The following IGSF21 variants were observed in gnomAD, a reference collection of about 807,000 sequenced individuals.
The protein encoded by IGSF21 is immunoglobin superfamily member 21.
In IGSF21, 28 loss-of-function variants were observed where a neutral mutation model predicts 46.8. The observed-to-expected ratio is 0.60, with a 90% CI of 0.44 to 0.82. The LOEUF (loss-of-function observed/expected upper bound fraction) is 0.82. IGSF21 is among the 40% of genes least tolerant of loss of function. IGSF21 has a pLI of 0.00. For missense variants in IGSF21, 624 were observed against 665.5 expected (o/e 0.94, Z 0.69); for synonymous variants, 284 against 273.6 (o/e 1.04, Z -0.38).
At chr1:18,329,911 C>A (rs1349295952) in intron 3 of IGSF21, among the ~76,000 whole-genome samples, 1 of 152,218 alleles carries the variant, frequency 6.6e-6, no homozygotes, top group Admixed American at 6.5e-5. Context: ...CATGCAGCAT[C>A]CGCCCTCGCT....
chr1:18,310,258 C>G (rs1276146684), intron 3 of IGSF21, among the ~76,000 whole-genome samples: 1 of 152,222 alleles, frequency 6.6e-6, no homozygotes, highest in African/African-American at 2.4e-5. Context: ...CATGCACACA[C>G]AGCTGCCCAG....
Position 18,334,780 on chromosome 1 carries a change from C to T in IGSF21, c.306-112C>T, listed in dbSNP as rs2124605996. On this transcript the variant is annotated intron_variant, in intron 3 of 9. Coordinates refer to ENST00000251296, the MANE Select transcript of IGSF21 (RefSeq NM_032880.5). This position sits in a 1 kb window ranked among gnomAD's most constrained non-coding sequence, Gnocchi z 4.3. The stretch of plus-strand genomic sequence containing the variant: ...CCTCCTCCCAGCCCAGCACACAGGC[C>T]TGTGTTTGTTAGTGGAGGCTGCACC... 1.3e-6 allele frequency: 1 copy of T among 767,296 alleles called. No homozygotes were observed. The highest frequency in any genetic ancestry group is 1.8e-5 in the Admixed American group (1 of 56,154). 47.5% of individuals were successfully genotyped at this position (767,296 alleles called of 1,614,324 possible).
Position 18,378,284 on chromosome 1 carries a change from C to CGCCCT in IGSF21, c.1362_1363insGCCCT (p.Thr455AlafsTer8). On this transcript the variant is annotated frameshift_variant, in exon 10 of 10. Coordinates refer to ENST00000251296, the MANE Select transcript of IGSF21 (RefSeq NM_032880.5). LOFTEE classifies it high-confidence loss of function. ...CCATTGGCCCCACTGGTGCCCGGCT[C>CGCCCT]ACCTTGGTGCTCGCCCTGACAGTGA... The CGCCCT allele has an allele frequency of 4.3e-6, 7 of 1,614,064 alleles. No individual in the cohort carries two copies. The highest frequency in any genetic ancestry group is 5.1e-6 in the Non-Finnish European group (6 of 1,179,976).
Position 18,225,085 on chromosome 1 carries a change from T to TCTCTCTCTCTCTCACACACACA in IGSF21, c.71-2812_71-2811insTCTCTCTCTCTCACACACACAC. Among the ~76,000 whole-genome samples, 316 of 51,566 alleles carry TCTCTCTCTCTCTCACACACACA rather than the reference T, an allele frequency of 6.1e-3. 8 individuals carry two copies. Among genetic ancestry groups the TCTCTCTCTCTCTCACACACACA allele is most frequent in the Admixed American group, 0.04 (192 of 4,790 alleles). The allele number at this position is 51,566 out of a possible 152,430, so 33.8% of individuals were successfully genotyped here. A position where few individuals can be genotyped will look rare whatever the true frequency, so the allele number is the denominator to read the frequency against. On this transcript the variant is annotated intron_variant, in intron 1 of 9. Coordinates refer to ENST00000251296, the MANE Select transcript of IGSF21 (RefSeq NM_032880.5). ...GTATCTCTCTCTCTCTCTCTCTCTCTCACACACACACACACACACACACAC... is the reference window on the plus strand; with the variant it reads ...GTATCTCTCTCTCTCTCTCTCTCTCTCTCTCTCTCTCTCACACACACACACACACACACACACACACACACAC...
intron 2 of IGSF21, among the ~76,000 whole-genome samples, chr1:18,252,302 G>A (rs927398286): frequency 6.6e-6 from 1 of 151,960 alleles, no homozygotes; most frequent in East Asian, 1.9e-4. Flanking sequence ...ACCCACCTCG[G>A]CCTCCCAAAG....
chr1:18,285,076 C>A (rs1569724482), intron 2 of IGSF21, among the ~76,000 whole-genome samples: 2 of 152,270 alleles, frequency 1.3e-5, no homozygotes, highest in South Asian at 2.1e-4. Flanking sequence ...GCGGGATTGG[C>A]CCATAAGTGG....
intron 2 of IGSF21, among the ~76,000 whole-genome samples, chr1:18,291,587 C>T (rs1439348451): frequency 6.6e-6 from 1 of 152,224 alleles, no homozygotes. Context: ...AGGCAGCAAG[C>T]TTCCCCTGAG....
intron 3 of IGSF21, among the ~76,000 whole-genome samples, chr1:18,318,463 TGC>T (rs145622160): frequency 1.7e-3 from 139 of 81,096 alleles, no homozygotes; most frequent in African/African-American, 5.1e-3. Context: ...TGTGCGTGCG[TGC>T]GTGTGTGTGT....
At chr1:18,150,230 G>A (rs1169957461) in intron 1 of IGSF21, among the ~76,000 whole-genome samples, 2 of 152,202 alleles carry the variant, frequency 1.3e-5, no homozygotes, top group Non-Finnish European at 1.5e-5. Context: ...TCCAGTCTGG[G>A]TGACAGAGTG....
At chr1:18,218,660 A>T (rs577095873) in intron 1 of IGSF21, among the ~76,000 whole-genome samples, 1 of 152,368 alleles carries the variant, frequency 6.6e-6, no homozygotes, top group South Asian at 2.1e-4. Flanking sequence ...ATACTTAAAA[A>T]GTGCAGAATA....
chr1:18,197,272 T>A (rs147127471), intron 1 of IGSF21, among the ~76,000 whole-genome samples: 47 of 152,154 alleles, frequency 3.1e-4, no homozygotes, highest in African/African-American at 1.1e-3. Flanking sequence ...TGCTGAGAGG[T>A]GCTGTGGCCC....
At chr1:18,275,248 C>T (rs2085088647) in intron 2 of IGSF21, among the ~76,000 whole-genome samples, 1 of 152,186 alleles carries the variant, frequency 6.6e-6, no homozygotes, top group African/African-American at 2.4e-5. Flanking sequence ...TGGGAAACCA[C>T]ACTGGGAGTA....
chr1:18,114,799 T>A (rs2086174361), intron 1 of IGSF21: 1 of 152,172 alleles, frequency 6.6e-6, no homozygotes, highest in South Asian at 2.1e-4. Flanking sequence ...GAACCCAGAT[T>A]CTGTGGTTGC....
chr1:18,244,204 A>G (rs2084761330), intron 2 of IGSF21, among the ~76,000 whole-genome samples: 2 of 152,250 alleles, frequency 1.3e-5, no homozygotes, highest in African/African-American at 4.8e-5. Context: ...ACCATGGGAC[A>G]GATTCAAGGG....
intron 2 of IGSF21, among the ~76,000 whole-genome samples, chr1:18,250,127 C>CTCCCTCCA (rs2124526143): frequency 7.1e-6 from 1 of 141,322 alleles, no homozygotes; most frequent in Non-Finnish European, 1.6e-5. Flanking sequence ...CCCTCCCTCC[C>CTCCCTCCA]TCCCTCTCCT....
Position 18,367,659 on chromosome 1 carries a change from G to GT in IGSF21, c.1015+1963dup, listed in dbSNP as rs1385781790. Among the ~76,000 whole-genome samples the GT allele has an allele frequency of 2.9e-5, 4 of 138,362 alleles. No homozygotes were observed. In the East Asian group the frequency reaches 8.6e-4, roughly 30 times the overall value. 90.8% of individuals were successfully genotyped at this position (138,362 alleles called of 152,430 possible). A position where few individuals can be genotyped will look rare whatever the true frequency, so the allele number is the denominator to read the frequency against. ...CTGGCTCTGTCACACCCAGGCTGGA[G>GT]TGCAGTGGGTGATCTTGGCTCACTG... On this transcript the variant is annotated intron_variant, in intron 6 of 9. Transcript: ENST00000251296.
Position 18,376,307 on chromosome 1 carries a change from C to T in IGSF21, c.1016-3C>T. 6.2e-7 allele frequency: 1 copy of T among 1,609,256 alleles called. No individual in the cohort carries two copies. Among genetic ancestry groups the T allele is most frequent in the Non-Finnish European group, 8.5e-7 (1 of 1,175,630 alleles). On this transcript the variant is annotated splice_region_variant and splice_polypyrimidine_tract_variant and intron_variant, in intron 6 of 9. Coordinates refer to ENST00000251296, the MANE Select transcript of IGSF21 (RefSeq NM_032880.5). ...CTCTGACCTGGCCTTTCTCTCCCTA[C>T]AGTTGCCCCCAAAGGACCCAAAATT...
intron 1 of IGSF21, among the ~76,000 whole-genome samples, chr1:18,217,354 A>G (rs1466096391): frequency 6.6e-6 from 1 of 152,188 alleles, no homozygotes; most frequent in Non-Finnish European, 1.5e-5. Context: ...ATTACTTGCT[A>G]TCAATAAGTA....
rs2086290878 is a variant in IGSF21 at position 18,377,083 on chromosome 1, CCAAAATTTTGGG to C, written c.1294+93_1294+104del. 4 of 1,406,436 alleles carry C rather than the reference CCAAAATTTTGGG, an allele frequency of 2.8e-6. No individual in the cohort carries two copies. In the South Asian group the frequency reaches 5.7e-5, roughly 20 times the overall value. The allele number at this position is 1,406,436 out of a possible 1,614,324, so 87.1% of individuals were successfully genotyped here. On this transcript the variant is annotated intron_variant, in intron 8 of 9. Transcript: ENST00000251296. The stretch of plus-strand genomic sequence containing the variant: ...CCCAGGAGGAAGAAGCAGTAGGGGC[CCAAAATTTTGGG>C]CCTAAATCTCCCAAATTTGCCCTGA...
Sources: gnomAD v4.1 joint callset for allele counts (sites outside exome capture counted in the v4.1 genomes callset) on GRCh38, gnomAD v4.1.1 for gene constraint, Gnocchi (gnomAD v3.1) non-coding constraint, MANE v1.5 for transcripts, NCBI Gene and HGNC (gene_info 2026-07-23, HGNC 2026-07-21) for gene names.